Variants in KCNIP4 observed in about 807,000 individuals in gnomAD.
KCNIP4 encodes the protein potassium voltage-gated channel interacting protein 4, also known as Kv channel-interacting protein 4.
KCNIP4 carries 12 observed loss-of-function variants against 34.0 expected under a neutral mutation model. That is an observed-to-expected ratio of 0.35 (90% confidence interval 0.23 to 0.57). KCNIP4 has a LOEUF of 0.57. KCNIP4 is among the 20% of genes least tolerant of loss of function. KCNIP4 has a pLI of 0.83. For missense variants in KCNIP4, 238 were observed against 311.7 expected (o/e 0.76, Z 1.78); for synonymous variants, 124 against 102.2 (o/e 1.21, Z -1.29).
intron 1 of KCNIP4, among the ~76,000 whole-genome samples, chr4:21,431,331 C>T (rs559629084): frequency 5.3e-5 from 8 of 151,928 alleles, no homozygotes; most frequent in South Asian, 4.2e-4. Context: ...ATTCCAACCA[C>T]GAAAAAGTGA....
chr4:21,033,181 CA>C lies in KCNIP4; in HGVS notation c.62-150473del, dbSNP rs1387366269. On this transcript the variant is annotated intron_variant, in intron 1 of 8. Transcript: ENST00000382152. Reference sequence around the variant, plus strand: ...TAATCTTAAGATTTTAAATTTTCTACAAGTAGGCTTTGACCCATTCCACATA... The same window carrying C: ...TAATCTTAAGATTTTAAATTTTCTACAGTAGGCTTTGACCCATTCCACATA... Among the ~76,000 whole-genome samples, 5 of 152,300 alleles carry C rather than the reference CA, an allele frequency of 3.3e-5. No individual in the cohort carries two copies. The East Asian group carries it at 9.6e-4, about 29-fold the overall frequency.
intron 1 of KCNIP4, among the ~76,000 whole-genome samples, chr4:21,477,986 T>C (rs1455408754): frequency 6.6e-6 from 1 of 152,220 alleles, no homozygotes; most frequent in Non-Finnish European, 1.5e-5. Context: ...AAATCTATCT[T>C]CAATGTATCT....
intron 1 of KCNIP4, among the ~76,000 whole-genome samples, chr4:21,492,688 C>A (rs989304788): frequency 6.6e-6 from 1 of 152,158 alleles, no homozygotes; most frequent in African/African-American, 2.4e-5. Context: ...CTTTAAAATT[C>A]TTTGAAGCGT....
chr4:21,103,542 A>G (rs965781978), intron 1 of KCNIP4, among the ~76,000 whole-genome samples: 4 of 151,124 alleles, frequency 2.6e-5, no homozygotes, highest in African/African-American at 9.7e-5. Flanking sequence ...CTTCCCATAA[A>G]ATTCAATGTA....
At chr4:21,892,043 G>A (rs535524928) in intron 1 of KCNIP4, among the ~76,000 whole-genome samples, 43 of 152,182 alleles carry the variant, frequency 2.8e-4, no homozygotes, top group African/African-American at 9.9e-4. Flanking sequence ...ATTTACCGAG[G>A]TACATCCCTA....
At chr4:21,916,520 T>C (rs370902050) in intron 1 of KCNIP4, among the ~76,000 whole-genome samples, 7 of 152,190 alleles carry the variant, frequency 4.6e-5, no homozygotes, top group Non-Finnish European at 7.3e-5. Context: ...CCTTATCCCA[T>C]TACAGTTTCA....
At chr4:21,678,226 C>T (rs1420469811) in intron 1 of KCNIP4, among the ~76,000 whole-genome samples, 1 of 151,496 alleles carries the variant, frequency 6.6e-6, no homozygotes, top group Non-Finnish European at 1.5e-5. Context: ...TGAGCATGGC[C>T]ATGTTTCATG....
At chr4:21,206,319 A>G (rs1019072676) in intron 1 of KCNIP4, among the ~76,000 whole-genome samples, 1 of 152,168 alleles carries the variant, frequency 6.6e-6, no homozygotes, top group Non-Finnish European at 1.5e-5. Context: ...CAGTAGCTGA[A>G]AGGTTCAAGT....
chr4:21,855,950 A>G (rs1724723917), intron 1 of KCNIP4, among the ~76,000 whole-genome samples: 1 of 152,252 alleles, frequency 6.6e-6, no homozygotes, highest in Non-Finnish European at 1.5e-5. Flanking sequence ...AACAACATTG[A>G]AAAATCAGAA....
intron 1 of KCNIP4, among the ~76,000 whole-genome samples, chr4:21,780,335 A>T (rs755505010): frequency 6.6e-6 from 1 of 152,156 alleles, no homozygotes; most frequent in Non-Finnish European, 1.5e-5. Flanking sequence ...TGGTAGGGAA[A>T]GGGACTAAAA....
At chr4:21,056,060 A>T (rs1164544346) in intron 1 of KCNIP4, among the ~76,000 whole-genome samples, 1 of 152,142 alleles carries the variant, frequency 6.6e-6, no homozygotes, top group African/African-American at 2.4e-5. Context: ...CATATGCAGT[A>T]TCTCTGTGTC....
At chr4:21,349,528 G>A (rs150287787) in intron 1 of KCNIP4, among the ~76,000 whole-genome samples, 8 of 152,254 alleles carry the variant, frequency 5.3e-5, no homozygotes, top group South Asian at 2.1e-4. Flanking sequence ...TAATGAAGCC[G>A]TAGAGAAAAT....
At chr4:21,039,382 A>G (rs905455874) in intron 1 of KCNIP4, among the ~76,000 whole-genome samples, 3 of 152,062 alleles carry the variant, frequency 2.0e-5, no homozygotes, top group Admixed American at 1.3e-4. Context: ...AAAAGAAAAA[A>G]AAAAAAAAGG....
At chr4:21,928,724 T>G (rs2109005102) in intron 1 of KCNIP4, among the ~76,000 whole-genome samples, 1 of 152,124 alleles carries the variant, frequency 6.6e-6, no homozygotes, top group East Asian at 1.9e-4. Flanking sequence ...CATGACACAC[T>G]TCTCAAATCC....
In KCNIP4 at chr4:20,931,338, G is replaced by C. The variant is rs552222148; in HGVS notation, c.62-48629C>G. Among the ~76,000 whole-genome samples the C allele has an allele frequency of 3.3e-5, 5 of 152,188 alleles. No homozygotes were observed. The East Asian group carries it at 9.7e-4, about 29-fold the overall frequency. On this transcript the variant is annotated intron_variant, in intron 1 of 8. Transcript: ENST00000382152. ...AATAAGCCAGATAGTAAGAAAAATA[G>C]AGTCATGTATCATTTAACAACAAGG...
intron 1 of KCNIP4, among the ~76,000 whole-genome samples, chr4:21,414,009 T>A (rs2109599472): frequency 6.6e-6 from 1 of 152,298 alleles, no homozygotes; most frequent in African/African-American, 2.4e-5. Context: ...ATCCTGCGCC[T>A]ACCTGTGTCA....
intron 1 of KCNIP4, among the ~76,000 whole-genome samples, chr4:21,730,474 A>T (rs1715506420): frequency 6.6e-6 from 1 of 152,300 alleles, no homozygotes; most frequent in South Asian, 2.1e-4. Flanking sequence ...CGAGCTGCTT[A>T]CTGGGCTGGT....
At chr4:20,864,183 T>A (rs944680286) in intron 2 of KCNIP4, among the ~76,000 whole-genome samples, 9 of 72,300 alleles carry the variant, frequency 1.2e-4, no homozygotes, top group African/African-American at 2.7e-4. Context: ...CACATGTATG[T>A]ATGCGTACAT....
chr4:21,263,668 T>G (rs1045980776), intron 1 of KCNIP4, among the ~76,000 whole-genome samples: 5 of 152,140 alleles, frequency 3.3e-5, no homozygotes, highest in African/African-American at 1.2e-4. Context: ...TCTGTTTAAT[T>G]TTTTAATTTT....
Sources: allele counts gnomAD v4.1 joint callset (sites outside exome capture counted in the v4.1 genomes callset), GRCh38; gene constraint gnomAD v4.1.1; transcripts MANE v1.5; gene names NCBI Gene and HGNC (gene_info 2026-07-23, HGNC 2026-07-21).